The following TUSC3 variants were observed in gnomAD, a reference collection of about 807,000 sequenced individuals.
The protein encoded by TUSC3 is dolichyl-diphosphooligosaccharide--protein glycosyltransferase subunit TUSC3.
In TUSC3, 45 loss-of-function variants were observed where a neutral mutation model predicts 44.8. That is an observed-to-expected ratio of 1.00 (90% CI 0.79 to 1.29). TUSC3 has a LOEUF of 1.29. TUSC3 is among the 50% of genes most tolerant of loss of function. The pLI, the probability that TUSC3 is intolerant of heterozygous loss-of-function variation, is 0.00. For missense variants in TUSC3, 519 were observed against 437.9 expected, an observed-to-expected ratio of 1.19 and a Z score of -1.65; for synonymous variants, 212 against 152.9, an observed-to-expected ratio of 1.39 and a Z score of -2.85.
At chr8:15,697,642 A>G (rs1423069928) in intron 6 of TUSC3, among the ~76,000 whole-genome samples, 2 of 152,214 alleles carry the variant, frequency 1.3e-5, no homozygotes, top group African/African-American at 4.8e-5. Flanking sequence ...GAATGAGCCA[A>G]AGGAAGTGCA....
chr8:15,439,384 A>T (rs7822271), intron 1 of TUSC3, among the ~76,000 whole-genome samples: 24,588 of 152,026 alleles, frequency 0.16, 2,026 homozygotes, highest in Middle Eastern at 0.22. Flanking sequence ...TGGGCAACAC[A>T]GTGAGTCCTT....
At chr8:15,755,431 C>A (rs773157334) in intron 9 of TUSC3, among the ~76,000 whole-genome samples, 1 of 151,864 alleles carries the variant, frequency 6.6e-6, no homozygotes, top group African/African-American at 2.4e-5. Flanking sequence ...TTTTTCTTTA[C>A]GCTAAAGATT....
intron 1 of TUSC3, among the ~76,000 whole-genome samples, chr8:15,457,874 A>C (rs1283068450): frequency 2.3e-5 from 1 of 44,080 alleles, no homozygotes; most frequent in Non-Finnish European, 5.6e-5. Context: ...TAAATTAATT[A>C]GATAATTACT....
intron 1 of TUSC3, among the ~76,000 whole-genome samples, chr8:15,620,297 A>G (rs900535466): frequency 6.6e-6 from 1 of 152,180 alleles, no homozygotes; most frequent in Non-Finnish European, 1.5e-5. Flanking sequence ...GAAAAATACC[A>G]GTTTGTCAAG....
chr8:15,827,298 G>T, the TUSC3 span, among the ~76,000 whole-genome samples: 3 of 152,172 alleles, frequency 2.0e-5, no homozygotes, highest in Non-Finnish European at 1.5e-5. Context: ...TTACGGAGCA[G>T]TAACGGCTGA....
intron 1 of TUSC3, among the ~76,000 whole-genome samples, chr8:15,595,317 A>C (rs569145568): frequency 1.3e-5 from 2 of 152,158 alleles, no homozygotes; most frequent in South Asian, 4.2e-4. Context: ...CTTTGTGTAA[A>C]TCTTTCCTCT....
intron 2 of TUSC3, among the ~76,000 whole-genome samples, chr8:15,504,597 ATATATATATATATATATATATATAT>A (rs1487460020): frequency 0.1 from 2,407 of 23,848 alleles, 61 homozygotes; most frequent in East Asian, 0.19. Flanking sequence ...ATATATATAT[ATATATATATATATATATATATATAT>A]TTTTTTTTTT....
intron 2 of TUSC3, among the ~76,000 whole-genome samples, chr8:15,488,145 T>A (rs1178360695): frequency 1.3e-5 from 2 of 152,048 alleles, no homozygotes; most frequent in Non-Finnish European, 2.9e-5. Flanking sequence ...TTATTGAAGT[T>A]TCCTTTTCCT....
chr8:15,446,653 T>C (rs1418616916), intron 1 of TUSC3, among the ~76,000 whole-genome samples: 2 of 142,444 alleles, frequency 1.4e-5, no homozygotes, highest in African/African-American at 2.6e-5. Context: ...GGCAGGGAGG[T>C]TGCAGTGAGC....
chr8:15,780,882 G>A, the TUSC3 span, among the ~76,000 whole-genome samples: 1 of 152,100 alleles, frequency 6.6e-6, no homozygotes. Flanking sequence ...AAAGATAGAG[G>A]GTATGCAACC....
chr8:15,483,623 G>C (rs896032332), intron 2 of TUSC3: 2 of 147,630 alleles, frequency 1.4e-5, no homozygotes, highest in African/African-American at 5.0e-5. Context: ...ACAGGCGTGA[G>C]CCGTCGTGCC....
At chr8:15,780,965 G>T in the TUSC3 span, among the ~76,000 whole-genome samples, 14 of 152,330 alleles carry the variant, frequency 9.2e-5, no homozygotes. Flanking sequence ...TTTTACCCCA[G>T]TAGGGAGTTA....
upstream of TUSC3, chr8:15,540,163 G>C: frequency 2.4e-6 from 1 of 413,212 alleles, no homozygotes; most frequent in Non-Finnish European, 4.2e-6. Flanking sequence ...GGGCGGGAGC[G>C]CACGCCGCGC....
At chr8:15,448,745 A>G (rs148767422) in intron 1 of TUSC3, among the ~76,000 whole-genome samples, 1 of 152,202 alleles carries the variant, frequency 6.6e-6, no homozygotes, top group African/African-American at 2.4e-5. Context: ...CAGCAAAAAG[A>G]TATTTATGCA....
intron 1 of TUSC3, among the ~76,000 whole-genome samples, chr8:15,583,428 A>G (rs1172315361): frequency 6.6e-6 from 1 of 152,228 alleles, no homozygotes; most frequent in East Asian, 1.9e-4. Flanking sequence ...CATGAGGATT[A>G]CTGGAAGTAA....
At chr8:15,589,193 A>G (rs550749363) in intron 1 of TUSC3, among the ~76,000 whole-genome samples, 18 of 152,244 alleles carry the variant, frequency 1.2e-4, no homozygotes, top group African/African-American at 3.1e-4. Flanking sequence ...CTTTGAGCCT[A>G]TATGTGTCTT....
intron 1 of TUSC3, among the ~76,000 whole-genome samples, chr8:15,569,042 A>G (rs1391150197): frequency 2.0e-5 from 3 of 152,128 alleles, no homozygotes; most frequent in African/African-American, 7.2e-5. Flanking sequence ...CTAAGTCATT[A>G]TTGTGCGGCT....
intron 6 of TUSC3, among the ~76,000 whole-genome samples, chr8:15,725,145 AT>A (rs1180185460): frequency 6.6e-6 from 1 of 151,986 alleles, no homozygotes; most frequent in Non-Finnish European, 1.5e-5. Context: ...AGCATTTTTA[AT>A]TTTTTTTAGT....
intron 1 of TUSC3, among the ~76,000 whole-genome samples, chr8:15,576,250 T>G (rs1048255711): frequency 6.2e-5 from 2 of 32,092 alleles, no homozygotes; most frequent in Admixed American, 5.1e-4. Context: ...CTGCTTTTTC[T>G]TTCTTTTTTT....
Sources: gnomAD v4.1 joint callset for allele counts (sites outside exome capture counted in the v4.1 genomes callset) on GRCh38, gnomAD v4.1.1 for gene constraint, MANE v1.5 for transcripts, NCBI Gene and HGNC (gene_info 2026-07-23, HGNC 2026-07-21) for gene names.